LTBP1: variants seen among roughly 807,000 people sequenced by gnomAD.
LTBP1 encodes latent-transforming growth factor beta-binding protein 1.
In LTBP1, 129 loss-of-function variants were observed where a neutral mutation model predicts 207.6. That is an observed-to-expected ratio of 0.62 (90% CI 0.54 to 0.72). The LOEUF is 0.72. Ranked by LOEUF, LTBP1 falls within the 30% of genes least tolerant of loss-of-function variation. LTBP1 has a pLI of 0.00. For synonymous variants in LTBP1, 963 were observed against 833.7 expected (o/e 1.16, Z -2.67); for missense variants, 2,281 against 2,217.2 (o/e 1.03, Z -0.58).
intron 5 of LTBP1, among the ~76,000 whole-genome samples, chr2:33,162,482 T>C (rs945977077): frequency 2.0e-5 from 3 of 152,230 alleles, no homozygotes; most frequent in East Asian, 3.8e-4. Context: ...ATTTTTATGC[T>C]AATGGTGAAA....
intron 4 of LTBP1, among the ~76,000 whole-genome samples, chr2:33,120,901 A>G (rs2081069103): frequency 6.6e-6 from 1 of 152,334 alleles, no homozygotes; most frequent in Middle Eastern, 3.4e-3. Context: ...AAAGACTACA[A>G]AACTTCATTA....
intron 22 of LTBP1, among the ~76,000 whole-genome samples, chr2:33,304,142 A>G (rs947682999): frequency 3.9e-5 from 6 of 152,238 alleles, no homozygotes; most frequent in Non-Finnish European, 7.3e-5. Context: ...AGATATGACT[A>G]TGTTCCGTAA....
At chr2:33,298,446 A>G (rs144798215) in intron 20 of LTBP1, among the ~76,000 whole-genome samples, 4 of 152,228 alleles carry the variant, frequency 2.6e-5, no homozygotes, top group African/African-American at 7.2e-5. Flanking sequence ...GTTGTCTTCT[A>G]TGAGAAAGTC....
intron 5 of LTBP1, among the ~76,000 whole-genome samples, chr2:33,171,893 T>C (rs1255186043): frequency 6.6e-6 from 1 of 152,200 alleles, no homozygotes; most frequent in African/African-American, 2.4e-5. Context: ...CAGAATTTCA[T>C]ATCCAGCCAA....
At chr2:33,110,437 G>C in intron 3 of LTBP1, 145 bp from the exon 4 acceptor site, 1 of 658,778 alleles carries the variant, frequency 1.5e-6, no homozygotes, top group Non-Finnish European at 2.5e-6. Flanking sequence ...TGAGTGGTCA[G>C]CGACAGTATT....
chr2:33,146,560 T>G (rs764214482), intron 5 of LTBP1, among the ~76,000 whole-genome samples: 1 of 152,208 alleles, frequency 6.6e-6, no homozygotes, highest in Non-Finnish European at 1.5e-5. Context: ...TAGTCCATTC[T>G]TGCATTGCTG....
chr2:33,225,404 T>G (rs549421760), intron 9 of LTBP1, among the ~76,000 whole-genome samples: 14 of 152,274 alleles, frequency 9.2e-5, no homozygotes, highest in African/African-American at 3.1e-4. Context: ...AAGAAAGAGA[T>G]TTAACTGGAC....
chr2:33,188,523 G>C, intron 6 of LTBP1, 54 bp from the exon 7 acceptor site: 1 of 1,373,516 alleles, frequency 7.3e-7, no homozygotes, highest in Non-Finnish European at 9.8e-7. Context: ...TAAAACTTTT[G>C]ATTTGCCTGT....
At chr2:33,158,627 T>C (rs1005052908) in intron 5 of LTBP1, among the ~76,000 whole-genome samples, 6 of 152,136 alleles carry the variant, frequency 3.9e-5, no homozygotes, top group Admixed American at 1.3e-4. Flanking sequence ...ATGAGATTCA[T>C]TGACATTGTG....
chr2:33,019,225 G>A (rs531369939), intron 2 of LTBP1, among the ~76,000 whole-genome samples: 1 of 151,400 alleles, frequency 6.6e-6, no homozygotes, highest in African/African-American at 2.4e-5. Flanking sequence ...CAACAGGGCA[G>A]CATAGTAAAT....
At chr2:33,322,684 A>G (rs1017199008) in intron 24 of LTBP1, among the ~76,000 whole-genome samples, 2 of 152,198 alleles carry the variant, frequency 1.3e-5, no homozygotes, top group Non-Finnish European at 2.9e-5. Flanking sequence ...GTTAAGTATT[A>G]ATTGGTTTAA....
intron 8 of LTBP1, 32 bp from the exon 9 acceptor site, chr2:33,222,048 A>T: frequency 6.7e-7 from 1 of 1,497,482 alleles, no homozygotes; most frequent in Non-Finnish European, 9.3e-7. Context: ...GTAAGAATTT[A>T]AGTATGTAAC....
chr2:33,147,998 G>A (rs1196489068), intron 5 of LTBP1, among the ~76,000 whole-genome samples: 2 of 152,196 alleles, frequency 1.3e-5, no homozygotes. Context: ...CTTCAGCTTT[G>A]GGATGTAGCC....
intron 24 of LTBP1, among the ~76,000 whole-genome samples, chr2:33,334,494 T>C (rs1477896574): frequency 1.3e-5 from 2 of 152,186 alleles, no homozygotes; most frequent in South Asian, 2.1e-4. Flanking sequence ...AGATAATGTG[T>C]CCTTGAATAA....
At chr2:33,122,641 A>G (rs2081202742) in intron 4 of LTBP1, among the ~76,000 whole-genome samples, 1 of 152,250 alleles carries the variant, frequency 6.6e-6, no homozygotes, top group Non-Finnish European at 1.5e-5. Flanking sequence ...AGAAGTAGCC[A>G]ATCCTACCAC....
At chr2:33,376,052 A>G (rs1430500090) in intron 31 of LTBP1, among the ~76,000 whole-genome samples, 3 of 152,216 alleles carry the variant, frequency 2.0e-5, no homozygotes, top group South Asian at 2.1e-4. Context: ...TATAAATTCT[A>G]TTAATTAAAA....
chr2:33,047,793 T>G (rs2076520681), intron 3 of LTBP1, among the ~76,000 whole-genome samples: 1 of 152,232 alleles, frequency 6.6e-6, no homozygotes, highest in South Asian at 2.1e-4. Context: ...TGAATCTGGG[T>G]GCTCCTGTAT....
intron 2 of LTBP1, among the ~76,000 whole-genome samples, chr2:32,981,468 A>T (rs1354504702): frequency 3.3e-5 from 5 of 152,030 alleles, no homozygotes; most frequent in Non-Finnish European, 7.4e-5. Flanking sequence ...CACTTTTCTG[A>T]TGGATCTATG....
At chr2:33,348,702 A>G (rs965202215) in intron 26 of LTBP1, among the ~76,000 whole-genome samples, 2 of 152,214 alleles carry the variant, frequency 1.3e-5, no homozygotes, top group Admixed American at 6.5e-5. Flanking sequence ...TAGCCATTAA[A>G]TGGTCTGGGT....
Sources: allele counts gnomAD v4.1 joint callset (sites outside exome capture counted in the v4.1 genomes callset), GRCh38; gene constraint gnomAD v4.1.1; transcripts MANE v1.5; gene names NCBI Gene and HGNC (gene_info 2026-07-23, HGNC 2026-07-21).